ZFR2: variants seen among roughly 807,000 people sequenced by gnomAD.
ZFR2 encodes zinc finger RNA binding protein 2.
A neutral mutation model predicts 105.7 loss-of-function variants in ZFR2; 104 were observed. The ratio of observed to expected loss-of-function variants is 0.98; its 90% CI spans 0.84 to 1.16. The LOEUF (loss-of-function observed/expected upper bound fraction) is 1.16. Among genes scored for constraint, ZFR2 ranks in the 50% most tolerant of loss-of-function variants. The probability of loss-of-function intolerance (pLI) is 0.00; values close to 1 mark genes in which losing one functional copy is unlikely to be tolerated. For synonymous variants in ZFR2, 634 were observed against 597.7 expected (o/e 1.06, Z -0.89); for missense variants, 1,425 against 1,355.5 (o/e 1.05, Z -0.80).
intron 12 of ZFR2, 121 bp downstream of exon 12, chr19:3,818,923 GC>G (rs1008493631): frequency 3.1e-5 from 39 of 1,277,610 alleles, no homozygotes; most frequent in Non-Finnish European, 3.7e-5. Context: ...CTGGAAAGCT[GC>G]CGCGGGCCAC....
At position 3,805,825 on chromosome 19, in the gene ZFR2, A is replaced by T; in HGVS notation, c.*124T>A. On this transcript the variant is annotated 3_prime_UTR_variant, in exon 19 of 19. Transcript: ENST00000262961. ...AGCACAGGTGTTTTAAAGGAAACCT[A>T]CAGAGCGTTACTCAAAAGGAAATGA... is the stretch of plus-strand genomic sequence containing the variant. 8.5e-7 allele frequency: 1 copy of T among 1,171,480 alleles called. No homozygotes were observed. The highest frequency in any genetic ancestry group is 1.1e-6 in the Non-Finnish European group (1 of 874,668). 72.6% of individuals were successfully genotyped at this position (1,171,480 alleles called of 1,614,324 possible).
chr19:3,854,594 A>C (rs191339355), intron 1 of ZFR2, among the ~76,000 whole-genome samples: 1 of 152,216 alleles, frequency 6.6e-6, no homozygotes, highest in Non-Finnish European at 1.5e-5. Context: ...GAGAGAAACC[A>C]CTCAGAGGCT....
intron 18 of ZFR2, among the ~76,000 whole-genome samples, chr19:3,806,615 C>T (rs1391061157): frequency 1.3e-5 from 2 of 152,128 alleles, no homozygotes; most frequent in South Asian, 2.1e-4. Context: ...GAGGAATTTT[C>T]GCGTGGTGCC....
At position 3,868,950 on chromosome 19, in the gene ZFR2, C is replaced by T. The variant is rs949449049; in HGVS notation, c.53+15G>A. 8.5e-6 allele frequency: 11 copies of T among 1,299,614 alleles called. No homozygotes were observed. The African/African-American group carries it at 1.5e-4, about 18-fold the overall frequency. 80.5% of individuals were successfully genotyped at this position (1,299,614 alleles called of 1,614,324 possible). A position where few individuals can be genotyped will look rare whatever the true frequency, so the allele number is the denominator to read the frequency against. On this transcript the variant is annotated intron_variant, in intron 1 of 18. Coordinates refer to ENST00000262961, the MANE Select transcript of ZFR2 (RefSeq NM_015174.2). ...GGGCCGGGACTGGCGGGGGCTGGCG[C>T]GGCGGGGCAGTTACCTGTACTGCGG... is the stretch of plus-strand genomic sequence containing the variant.
Position 3,833,758 on chromosome 19 carries a change from C to A in ZFR2, c.285G>T (p.Gln95His). 1 of 1,577,036 alleles carries A rather than the reference C, an allele frequency of 6.3e-7. No individual in the cohort carries two copies. The highest frequency in any genetic ancestry group is 8.6e-7 in the Non-Finnish European group (1 of 1,160,918). Residue 95 changes from glutamine (Q) to histidine (H), a missense_variant, in exon 3 of 19, where the codon CAG (glutamine) becomes CAT (histidine). By Grantham distance (24) the Gln-to-His change is conservative. Coordinates refer to ENST00000262961, the MANE Select transcript of ZFR2 (RefSeq NM_015174.2). ...ATYQDSYSYG[Q>H]SAAARSYEDR... The stretch of plus-strand genomic sequence containing the variant: ...CCTCATAGCTCCTGGCAGCTGCTGA[C>A]TGTCCGTAGCTGTAACTGTCCTATG...
intron 15 of ZFR2, among the ~76,000 whole-genome samples, chr19:3,811,047 C>T (rs1339152082): frequency 1.3e-5 from 2 of 152,208 alleles, no homozygotes; most frequent in African/African-American, 4.8e-5. Flanking sequence ...GGCAGCGTCC[C>T]CACCCCCAGG....
In ZFR2 at chr19:3,820,236, CCA is replaced by C. The variant is rs1392544736; in HGVS notation, c.1684_1685del (p.Trp562GlyfsTer79). The C allele has an allele frequency of 8.4e-6, 13 of 1,550,334 alleles. No individual in the cohort carries two copies. Among genetic ancestry groups the C allele is most frequent in the Non-Finnish European group, 1.1e-5 (13 of 1,147,202 alleles). ...GCCTGCCCATGAGCAGAGGCTGGGC[CCA>C]GTCGGGCGGCGCGTGGGGCGGCACG... Reference protein sequence around the residue: ...QDVPPHAPPDWAQPLLMGRPE... With the variant: ...QDVPPHAPPDXAQPLLMGRPE... On this transcript the variant is annotated frameshift_variant, in exon 11 of 19. Transcript: ENST00000262961. LOFTEE classifies it high-confidence loss of function.
chr19:3,808,336 A>G (rs1252495449), intron 17 of ZFR2, among the ~76,000 whole-genome samples: 1 of 152,120 alleles, frequency 6.6e-6, no homozygotes, highest in Admixed American at 6.5e-5. Context: ...CTCCCTTTTC[A>G]CTTGCTATCA....
chr19:3,823,095 G>T lies in ZFR2; in HGVS notation c.1371+151C>A. ...AAAGTGTCAAGCGGGTCTGCACGGGGTTTTGGTCCATGGAGGTCTGGCCTG... is the reference window on the plus strand; with the variant it reads ...AAAGTGTCAAGCGGGTCTGCACGGGTTTTTGGTCCATGGAGGTCTGGCCTG... On this transcript the variant is annotated intron_variant, in intron 8 of 18. Coordinates refer to ENST00000262961, the MANE Select transcript of ZFR2 (RefSeq NM_015174.2). The surrounding 1 kb of genome is among the most constrained non-coding windows in gnomAD (Gnocchi z 5.4). The T allele has an allele frequency of 9.1e-7, 1 of 1,104,304 alleles. No individual in the cohort carries two copies. The allele number at this position is 1,104,304 out of a possible 1,614,324, so 68.4% of individuals were successfully genotyped here. A position where few individuals can be genotyped will look rare whatever the true frequency, so the allele number is the denominator to read the frequency against.
chr19:3,855,995 G>A (rs2038295292), intron 1 of ZFR2, among the ~76,000 whole-genome samples: 1 of 152,220 alleles, frequency 6.6e-6, no homozygotes, highest in African/African-American at 2.4e-5. Context: ...ACGTTGTGAT[G>A]GGGCCTCTTT....
chr19:3,820,803 T>C (rs1261085845), intron 10 of ZFR2, among the ~76,000 whole-genome samples: 1 of 128,658 alleles, frequency 7.8e-6, no homozygotes, highest in African/African-American at 3.0e-5. Flanking sequence ...ACTCCAGGGG[T>C]CAGGGGTCAC....
At position 3,858,112 on chromosome 19, in the gene ZFR2, G is replaced by T. The variant is rs1184776935; in HGVS notation, c.53+10853C>A. Among the ~76,000 whole-genome samples the T allele has an allele frequency of 6.6e-6, 1 of 152,144 alleles. No homozygotes were observed. Among genetic ancestry groups the T allele is most frequent in the Middle Eastern group, 3.2e-3 (1 of 316 alleles). ...GGATGCAAAGCTAGCGAGCCCCACT[G>T]ATCTCATTTTGTTCACACGGCCACC... is the stretch of plus-strand genomic sequence containing the variant. On this transcript the variant is annotated intron_variant, in intron 1 of 18. Transcript: ENST00000262961. This position sits in a 1 kb window ranked among gnomAD's most constrained non-coding sequence, Gnocchi z 4.3.
At position 3,858,242 on chromosome 19, in the gene ZFR2, C is replaced by T. The variant is rs1467267704; in HGVS notation, c.53+10723G>A. The stretch of plus-strand genomic sequence containing the variant: ...CTGTAGGGCCATGCTCTTGCTTGCT[C>T]CGAAGAGACGGAGCAGGCTTAGGTG... On this transcript the variant is annotated intron_variant, in intron 1 of 18. Transcript: ENST00000262961. The surrounding 1 kb of genome is among the most constrained non-coding windows in gnomAD (Gnocchi z 4.3). Among the ~76,000 whole-genome samples the T allele has an allele frequency of 6.6e-6, 1 of 152,110 alleles. No individual in the cohort carries two copies. Among genetic ancestry groups the T allele is most frequent in the Non-Finnish European group, 1.5e-5 (1 of 68,036 alleles).
At chr19:3,809,320 C>CTCTGA (rs2037736771) in intron 16 of ZFR2, among the ~76,000 whole-genome samples, 1 of 152,190 alleles carries the variant, frequency 6.6e-6, no homozygotes, top group East Asian at 1.9e-4. Context: ...TTCTTCACCC[C>CTCTGA]TCTGAGCCTC....
intron 1 of ZFR2, among the ~76,000 whole-genome samples, chr19:3,848,992 T>TCAAAACAAAACAAAA (rs143956990): frequency 3.5e-4 from 53 of 151,718 alleles, no homozygotes; most frequent in East Asian, 1.4e-3. Flanking sequence ...AGACTCCGTC[T>TCAAAACAAAACAAAA]CAAAACAAAA....
At position 3,823,764 on chromosome 19, in the gene ZFR2, G is replaced by A. The variant is rs887123312; in HGVS notation, c.1214-361C>T. 2.0e-5 allele frequency among the ~76,000 whole-genome samples: 3 copies of A among 152,132 alleles called. No homozygotes were observed. Among genetic ancestry groups the A allele is most frequent in the African/African-American group, 7.2e-5 (3 of 41,436 alleles). ...CCGTTAGGCGAAATGATGGAGCCTC[G>A]GGGGGAGACAAATATCTTTGTTATA... On this transcript the variant is annotated intron_variant, in intron 7 of 18. Coordinates refer to ENST00000262961, the MANE Select transcript of ZFR2 (RefSeq NM_015174.2). The surrounding 1 kb of genome is among the most constrained non-coding windows in gnomAD (Gnocchi z 5.4).
rs1030258726 is a variant in ZFR2 at position 3,807,100 on chromosome 19, G to A, written c.2643+72C>T. ...GAGAAGGGGAAACCCAGGCCATTTC[G>A]GGGAACACTGCACAGCTGCAAGCCG... On this transcript the variant is annotated intron_variant, in intron 18 of 18. Transcript: ENST00000262961. 10 of 1,182,462 alleles carry A rather than the reference G, an allele frequency of 8.5e-6. No individual in the cohort carries two copies. The Middle Eastern group carries it at 1.7e-3, about 197-fold the overall frequency. The allele number at this position is 1,182,462 out of a possible 1,614,324, so 73.2% of individuals were successfully genotyped here. A position where few individuals can be genotyped will look rare whatever the true frequency, so the allele number is the denominator to read the frequency against.
At chr19:3,825,444 G>A (rs1459150647) in intron 6 of ZFR2, 37 bp from the exon 7 acceptor site, 10 of 1,528,076 alleles carry the variant, frequency 6.5e-6, no homozygotes, top group South Asian at 5.0e-5. Flanking sequence ...CGTGAGGGCC[G>A]CTCCCAGCCT....
intron 5 of ZFR2, 103 bp downstream of exon 5, chr19:3,831,200 A>C: frequency 9.2e-6 from 13 of 1,410,356 alleles, no homozygotes; most frequent in Non-Finnish European, 1.2e-5. Context: ...ACCTTCTTTC[A>C]GCAGGCAGCG....
Sources: allele counts gnomAD v4.1 joint callset (sites outside exome capture counted in the v4.1 genomes callset), GRCh38; gene constraint gnomAD v4.1.1; non-coding constraint Gnocchi (gnomAD v3.1); transcripts MANE v1.5; gene names NCBI Gene and HGNC (gene_info 2026-07-23, HGNC 2026-07-21).